PRDM2: variants seen among roughly 807,000 people sequenced by gnomAD.
PRDM2 encodes PR domain zinc finger protein 2.
A neutral mutation model predicts 130.0 loss-of-function variants in PRDM2; 30 were observed. That is an observed-to-expected ratio of 0.23 (90% CI 0.17 to 0.31). The LOEUF (loss-of-function observed/expected upper bound fraction) is 0.31, where lower values mean the gene tolerates loss of function less well. Ranked by LOEUF, PRDM2 falls within the 10% of genes least tolerant of loss-of-function variation. The probability of loss-of-function intolerance (pLI) is 1.00; values close to 1 mark genes in which losing one functional copy is unlikely to be tolerated. For missense variants in PRDM2, 2,011 were observed against 2,108.4 expected (o/e 0.95, Z 0.90); for synonymous variants, 871 against 782.4 (o/e 1.11, Z -1.89).
At chr1:13,757,778 C>CTTTTTT (rs34501705) in intron 6 of PRDM2, among the ~76,000 whole-genome samples, 2 of 105,906 alleles carry the variant, frequency 1.9e-5, no homozygotes, top group Non-Finnish European at 1.9e-5. Context: ...AGGTGGATAG[C>CTTTTTT]TTTTTTTTTT....
intron 1 of PRDM2, among the ~76,000 whole-genome samples, chr1:13,709,780 A>G (rs1345512959): frequency 2.0e-5 from 3 of 152,166 alleles, no homozygotes; most frequent in Admixed American, 2.0e-4. Flanking sequence ...TTATCCATAA[A>G]CTTCCTGAAT....
At chr1:13,794,028 G>T (rs1644883691) in intron 8 of PRDM2, among the ~76,000 whole-genome samples, 1 of 152,188 alleles carries the variant, frequency 6.6e-6, no homozygotes, top group Non-Finnish European at 1.5e-5. Context: ...CAGAGCTTCA[G>T]TTCAGCCTGG....
At chr1:13,755,707 C>T (rs1643933142) in intron 6 of PRDM2, among the ~76,000 whole-genome samples, 1 of 151,554 alleles carries the variant, frequency 6.6e-6, no homozygotes. Context: ...TTCCAGTTTA[C>T]AGATAGCTGT....
intron 6 of PRDM2, among the ~76,000 whole-genome samples, chr1:13,753,987 C>G (rs1412294245): frequency 2.0e-5 from 3 of 152,112 alleles, no homozygotes; most frequent in African/African-American, 7.2e-5. Flanking sequence ...TACAGGCCAA[C>G]AGATGAAGTA....
chr1:13,822,500 A>G (rs555567025), intron 9 of PRDM2, among the ~76,000 whole-genome samples: 2 of 150,156 alleles, frequency 1.3e-5, no homozygotes, highest in Non-Finnish European at 3.0e-5. Flanking sequence ...GGTTCACGCC[A>G]TTCTCCTGCC....
intron 6 of PRDM2, among the ~76,000 whole-genome samples, chr1:13,769,440 T>C (rs1451556726): frequency 6.6e-6 from 1 of 152,216 alleles, no homozygotes; most frequent in Non-Finnish European, 1.5e-5. Context: ...GCAGGACCCC[T>C]GGTTCTGCTT....
At chr1:13,715,997 C>T (rs1642521635) in intron 2 of PRDM2, among the ~76,000 whole-genome samples, 1 of 152,118 alleles carries the variant, frequency 6.6e-6, no homozygotes, top group Non-Finnish European at 1.5e-5. Context: ...GACACATGCA[C>T]ACGTATGTTT....
intron 8 of PRDM2, chr1:13,786,848 G>A (rs1644752021): frequency 3.6e-6 from 4 of 1,117,116 alleles, no homozygotes; most frequent in East Asian, 5.1e-5. Flanking sequence ...TTTTTGGCAC[G>A]TAGCAGAGAA....
At chr1:13,717,503 T>C in intron 2 of PRDM2, 1 of 849,040 alleles carries the variant, frequency 1.2e-6, no homozygotes, top group African/African-American at 1.8e-5. Flanking sequence ...TTATTTGATA[T>C]GTCTACATCT....
At chr1:13,719,840 A>G (rs942269766) in intron 2 of PRDM2, among the ~76,000 whole-genome samples, 2 of 152,044 alleles carry the variant, frequency 1.3e-5, no homozygotes, top group East Asian at 3.9e-4. Context: ...TTGTTTGCAA[A>G]TCTATACAAA....
intron 5 of PRDM2, 117 bp downstream of exon 5, chr1:13,742,274 C>T (rs923958111): frequency 1.7e-6 from 2 of 1,183,700 alleles, no homozygotes; most frequent in South Asian, 1.5e-5. Flanking sequence ...CATCACGGCT[C>T]ACTGCAGCCT....
intron 4 of PRDM2, among the ~76,000 whole-genome samples, chr1:13,739,516 C>T (rs975365390): frequency 6.6e-6 from 1 of 152,070 alleles, no homozygotes; most frequent in Admixed American, 6.5e-5. Flanking sequence ...TAAATCGTGC[C>T]ATATAATCTA....
chr1:13,819,184 G>T (rs1315731283), intron 9 of PRDM2, among the ~76,000 whole-genome samples: 3 of 152,230 alleles, frequency 2.0e-5, no homozygotes, highest in Non-Finnish European at 4.4e-5. Context: ...GCCAGGTGCA[G>T]CTGGGCTGGC....
rs374204071 is a variant in PRDM2 at position 13,780,749 on chromosome 1, C to G, written c.2954C>G (p.Pro985Arg). Residue 985 changes from proline to arginine, a missense_variant, in exon 8 of 10, where the codon CCG (proline) becomes CGG (arginine). Physicochemically the swap from Pro to Arg is moderately radical, Grantham distance 103. This residue lies in a region of PRDM2 where 1,288 missense variants were observed against 1,237.7 expected (regional missense o/e 1.04). Coordinates refer to ENST00000311066, the MANE Select transcript of PRDM2 (RefSeq NM_001393986.1). ...PCPPVLTVAT[P>R]PPPLLPTVPL... ...CCCCCGGTATTAACTGTTGCCACTC[C>G]GCCCCCTCCCCTCCTTCCTACCGTA... The G allele has an allele frequency of 6.4e-7, 1 of 1,572,956 alleles. No homozygotes were observed. The highest frequency in any genetic ancestry group is 1.8e-5 in the Admixed American group (1 of 56,654).
At position 13,782,576 on chromosome 1, in the gene PRDM2, C is replaced by T. The variant is rs1644639895; in HGVS notation, c.4781C>T (p.Ala1594Val). 1 of 1,614,194 alleles carries T rather than the reference C, an allele frequency of 6.2e-7. No individual in the cohort carries two copies. The highest frequency in any genetic ancestry group is 8.5e-7 in the Non-Finnish European group (1 of 1,180,048). ...CATGTTGAGGGGAAAAAACCTAAAG[C>T]TGTGGCCAAGAATCATTCTGCTCAG... ...ITHVEGKKPKAVAKNHSAQLS... is the reference protein window; with the variant it reads ...ITHVEGKKPKVVAKNHSAQLS... Residue 1594 changes from alanine to valine, a missense_variant, in exon 8 of 10, where the codon GCT (alanine) becomes GTT (valine). Ala to Val is a moderately conservative substitution (Grantham distance 64). Around this residue, in one of 5 missense-constraint regions of PRDM2, gnomAD observed 410 missense variants for 395.9 expected, o/e 1.04. Transcript: ENST00000311066.
intron 2 of PRDM2, chr1:13,722,805 C>T (rs781334281): frequency 3.9e-6 from 2 of 515,034 alleles, no homozygotes; most frequent in South Asian, 1.4e-5. Context: ...AGCCAGCAGA[C>T]CAATGACTAG....
intron 6 of PRDM2, among the ~76,000 whole-genome samples, chr1:13,755,930 T>G (rs1340822184): frequency 6.6e-6 from 1 of 151,832 alleles, no homozygotes. Flanking sequence ...AGGGTGTAGC[T>G]TTGTATTTAA....
At position 13,779,863 on chromosome 1, in the gene PRDM2, A is replaced by G. The variant is rs550592431; in HGVS notation, c.2068A>G (p.Lys690Glu). Residue 690 changes from lysine to glutamate, a missense_variant, in exon 8 of 10, where the codon AAG (lysine) becomes GAG (glutamate). By Grantham distance (56) the Lys-to-Glu change is moderately conservative. Coordinates refer to ENST00000311066, the MANE Select transcript of PRDM2 (RefSeq NM_001393986.1). The surrounding 1 kb of genome is among the most constrained non-coding windows in gnomAD (Gnocchi z 4.9). ...AGAGAAAAGTGTTTATTTGTCATCAAAGCTCAAACAACTTCTTCAAACCCA... is the reference window on the plus strand; with the variant it reads ...AGAGAAAAGTGTTTATTTGTCATCAGAGCTCAAACAACTTCTTCAAACCCA... ...HKEKSVYLSS[K>E]LKQLLQTQDK... 4 of 1,613,158 alleles carry G rather than the reference A, an allele frequency of 2.5e-6. No individual in the cohort carries two copies. Among genetic ancestry groups the G allele is most frequent in the Admixed American group, 3.3e-5 (2 of 59,844 alleles).
At chr1:13,747,827 C>T (rs1643661327) in intron 5 of PRDM2, among the ~76,000 whole-genome samples, 1 of 151,090 alleles carries the variant, frequency 6.6e-6, no homozygotes, top group Admixed American at 6.6e-5. Context: ...CTTGGATAAC[C>T]ATTGTGCAAT....
Sources: gnomAD v4.1 joint callset for allele counts (sites outside exome capture counted in the v4.1 genomes callset) on GRCh38, gnomAD v4.1.1 for gene constraint, gnomAD v4.1.1 regional missense constraint, Gnocchi (gnomAD v3.1) non-coding constraint, MANE v1.5 for transcripts, NCBI Gene and HGNC (gene_info 2026-07-23, HGNC 2026-07-21) for gene names.